Variants in GALNT14 observed in about 807,000 individuals in gnomAD.
GALNT14 encodes UDP-GalNAc:polypeptide N-acetylgalactosaminyltransferase 14.
In GALNT14, 60 loss-of-function variants were observed where a neutral mutation model predicts 77.5. The ratio of observed to expected loss-of-function variants is 0.77; its 90% confidence interval spans 0.63 to 0.96. The LOEUF (loss-of-function observed/expected upper bound fraction) is 0.96. Among genes scored for constraint, GALNT14 ranks in the 40% least tolerant of loss-of-function variants. The pLI is 0.00. For missense variants in GALNT14, 710 were observed against 731.0 expected (o/e 0.97, Z 0.33); for synonymous variants, 280 against 281.7 (o/e 0.99, Z 0.06).
At chr2:31,093,067 A>G (rs1370984453) in intron 1 of GALNT14, among the ~76,000 whole-genome samples, 1 of 152,158 alleles carries the variant, frequency 6.6e-6, no homozygotes, top group African/African-American at 2.4e-5. Context: ...TCCTTTACCT[A>G]AGAACTTGAG....
chr2:30,992,526 G>T lies in GALNT14; in HGVS notation c.299+312C>A, dbSNP rs189714678. Among the ~76,000 whole-genome samples the T allele has an allele frequency of 2.6e-4, 39 of 152,284 alleles. No homozygotes were observed. In the Middle Eastern group the frequency reaches 0.014, roughly 53 times the overall value. ...TGCCAGGGAAAAACAGGCCTTGGCTGTAGTGTTTTTGGTGCTCTATGGGTT... is the reference window on the plus strand; with the variant it reads ...TGCCAGGGAAAAACAGGCCTTGGCTTTAGTGTTTTTGGTGCTCTATGGGTT... On this transcript the variant is annotated intron_variant, in intron 2 of 14. Transcript: ENST00000349752.
At chr2:31,129,325 G>A (rs1432926188) in intron 1 of GALNT14, 1 of 958,288 alleles carries the variant, frequency 1.0e-6, no homozygotes, top group Non-Finnish European at 1.2e-6. Context: ...GGATATAAAT[G>A]CTTTGTAAAC....
At chr2:30,947,005 C>G (rs558315298) in intron 6 of GALNT14, among the ~76,000 whole-genome samples, 2 of 152,236 alleles carry the variant, frequency 1.3e-5, no homozygotes, top group South Asian at 4.1e-4. Context: ...GAATCATCAC[C>G]TGTCTTCCCT....
chr2:30,989,630 AAAAATATATATATTAGTATATATT>A lies in GALNT14; in HGVS notation c.299+3184_299+3207del, dbSNP rs1199015701. ...TATAAAAATATATATTAGTATATAT[AAAAATATATATATTAGTATATATT>A]AAAATATATATATTAGTATATATAA... On this transcript the variant is annotated intron_variant, in intron 2 of 14. Transcript: ENST00000349752. Among the ~76,000 whole-genome samples the A allele has an allele frequency of 8.5e-3, 1,193 of 140,158 alleles. 27 individuals are homozygous for A. Among genetic ancestry groups the A allele is most frequent in the African/African-American group, 0.03 (1,121 of 37,482 alleles). The allele number at this position is 140,158 out of a possible 152,430, so 91.9% of individuals were successfully genotyped here. A position where few individuals can be genotyped will look rare whatever the true frequency, so the allele number is the denominator to read the frequency against.
At chr2:30,971,648 C>T (rs557677085) in intron 2 of GALNT14, among the ~76,000 whole-genome samples, 22 of 152,242 alleles carry the variant, frequency 1.4e-4, no homozygotes, top group Admixed American at 1.1e-3. Context: ...ACTTACTGTC[C>T]GAAAATGCTT....
At chr2:30,916,324 A>T (rs1312016265) in intron 13 of GALNT14, among the ~76,000 whole-genome samples, 1 of 152,250 alleles carries the variant, frequency 6.6e-6, no homozygotes, top group Non-Finnish European at 1.5e-5. Flanking sequence ...CGGTTACAGA[A>T]ATAAACTCTC....
rs1224268408 is a variant in GALNT14, at chr2:30,970,963, G to A, written c.300-4661C>T. 2.0e-5 allele frequency among the ~76,000 whole-genome samples: 3 copies of A among 152,124 alleles called. No homozygotes were observed. The East Asian group carries it at 5.8e-4, about 30-fold the overall frequency. Reference sequence around the variant, plus strand: ...CACCTGCTGAGTAACTGGGGTGAGGGAAATCCACATCCTGTGACTCCTAAT... The same window carrying A: ...CACCTGCTGAGTAACTGGGGTGAGGAAAATCCACATCCTGTGACTCCTAAT... On this transcript the variant is annotated intron_variant, in intron 2 of 14. Coordinates refer to ENST00000349752, the MANE Select transcript of GALNT14 (RefSeq NM_024572.4).
the GALNT14 span, among the ~76,000 whole-genome samples, chr2:30,902,692 G>C: frequency 6.6e-6 from 1 of 152,202 alleles, no homozygotes; most frequent in East Asian, 1.9e-4. Flanking sequence ...ACAAGGAATA[G>C]TTTTTCAATC....
rs770603752 is a variant in GALNT14, at chr2:30,958,453, C to G, written c.410G>C (p.Arg137Pro). The G allele has an allele frequency of 6.2e-7, 1 of 1,613,760 alleles. No individual in the cohort carries two copies. Among genetic ancestry groups the G allele is most frequent in the Non-Finnish European group, 8.5e-7 (1 of 1,179,756 alleles). Residue 137 changes from arginine to proline, a missense_variant, in exon 4 of 15, where the codon CGC (arginine) becomes CCC (proline). Physicochemically the swap from Arg to Pro is moderately radical, Grantham distance 103. Coordinates refer to ENST00000349752, the MANE Select transcript of GALNT14 (RefSeq NM_024572.4). ...LLRTIRSVLN[R>P]TPTHLIREII... ...TTCCCGGATCAGATGCGTAGGGGTG[C>G]GGTTTAATACACTGCAAGATGGAAA...
chr2:30,999,151 T>A (rs930983560), intron 1 of GALNT14, among the ~76,000 whole-genome samples: 4 of 152,214 alleles, frequency 2.6e-5, no homozygotes, highest in Non-Finnish European at 4.4e-5. Flanking sequence ...TTAAAGAGGA[T>A]ATCATGAATC....
chr2:31,004,228 G>C (rs1181608195), intron 1 of GALNT14, among the ~76,000 whole-genome samples: 2 of 152,202 alleles, frequency 1.3e-5, no homozygotes, highest in African/African-American at 4.8e-5. Flanking sequence ...CCAGGGAGCA[G>C]GTGATCTAGG....
intron 1 of GALNT14, among the ~76,000 whole-genome samples, chr2:31,058,383 T>A (rs1573264949): frequency 6.6e-6 from 1 of 151,750 alleles, no homozygotes; most frequent in East Asian, 1.9e-4. Context: ...TCTCGGTGAG[T>A]CTGCTTTCAT....
At chr2:31,024,953 G>A (rs1395353899) in intron 1 of GALNT14, among the ~76,000 whole-genome samples, 3 of 152,200 alleles carry the variant, frequency 2.0e-5, no homozygotes, top group Admixed American at 6.5e-5. Flanking sequence ...TGAAATACCT[G>A]ATATGTGGCT....
intron 1 of GALNT14, among the ~76,000 whole-genome samples, chr2:31,016,776 C>T (rs1476039553): frequency 6.6e-6 from 1 of 152,188 alleles, no homozygotes; most frequent in African/African-American, 2.4e-5. Context: ...CTTCCCCCGC[C>T]TGCCCTGTCT....
rs1666658580 is a variant in GALNT14, at chr2:30,945,813, A to C, written c.712T>G (p.Tyr238Asp). The change falls in exon 7 of 15, where the codon TAC becomes GAC. Residue 238 changes from tyrosine (Y) to aspartate (D), a missense_variant. Physicochemically the swap from Tyr to Asp is radical, Grantham distance 160. Transcript: ENST00000349752. Reference sequence around the variant, plus strand: ...CTGAGCTCCGAGGCAGACTCGATGTAGGTGAAGGTGTCCAGGTTAATGATA... The same window carrying C: ...CTGAGCTCCGAGGCAGACTCGATGTCGGTGAAGGTGTCCAGGTTAATGATA... ...IDIINLDTFT[Y>D]IESASELRGG... 1 of 1,614,148 alleles carries C rather than the reference A, an allele frequency of 6.2e-7. No individual in the cohort carries two copies. The highest frequency in any genetic ancestry group is 8.5e-7 in the Non-Finnish European group (1 of 1,180,008).
At chr2:31,076,735 T>C (rs1675822048) in intron 1 of GALNT14, among the ~76,000 whole-genome samples, 1 of 152,038 alleles carries the variant, frequency 6.6e-6, no homozygotes, top group Admixed American at 6.6e-5. Flanking sequence ...GTCTTACTGA[T>C]TTAGACAGTA....
intron 7 of GALNT14, among the ~76,000 whole-genome samples, 190 bp downstream of exon 7, chr2:30,945,593 T>C (rs1666643936): frequency 6.6e-6 from 1 of 152,208 alleles, no homozygotes; most frequent in Non-Finnish European, 1.5e-5. Flanking sequence ...GGGAGCATCC[T>C]GCCCACCCCC....
intron 6 of GALNT14, among the ~76,000 whole-genome samples, chr2:30,947,526 G>A (rs1344905264): frequency 6.6e-6 from 1 of 152,160 alleles, no homozygotes; most frequent in African/African-American, 2.4e-5. Flanking sequence ...TGTGCAGTGA[G>A]GAAAACTCCC....
At chr2:30,894,095 G>T in the GALNT14 span, among the ~76,000 whole-genome samples, 1 of 147,832 alleles carries the variant, frequency 6.8e-6, no homozygotes. Context: ...AGCTAAGTGG[G>T]TTCCAGCTCT....
Sources: gnomAD v4.1 joint callset for allele counts (sites outside exome capture counted in the v4.1 genomes callset) on GRCh38, gnomAD v4.1.1 for gene constraint, MANE v1.5 for transcripts, NCBI Gene and HGNC (gene_info 2026-07-23, HGNC 2026-07-21) for gene names.